Variants in COLGALT2 observed in about 807,000 individuals in gnomAD.
The protein encoded by COLGALT2 is procollagen galactosyltransferase 2.
Under a neutral mutation model 73.4 loss-of-function variants are expected in COLGALT2, and 49 were observed. The ratio of observed to expected loss-of-function variants is 0.67; its 90% confidence interval spans 0.53 to 0.85. The LOEUF (loss-of-function observed/expected upper bound fraction) is 0.85, where lower values mean the gene tolerates loss of function less well. COLGALT2 is among the 40% of genes least tolerant of loss of function. The pLI is 0.00. For synonymous variants in COLGALT2, 295 were observed against 307.6 expected, an observed-to-expected ratio of 0.96 and a Z score of 0.43; for missense variants, 722 against 790.2, an observed-to-expected ratio of 0.91 and a Z score of 1.03.
chr1:183,942,691 G>A (rs1270834856), intron 10 of COLGALT2, among the ~76,000 whole-genome samples: 2 of 152,128 alleles, frequency 1.3e-5, no homozygotes, highest in African/African-American at 2.4e-5. Flanking sequence ...AAAATAACAG[G>A]TACAATTTAA....
chr1:184,011,352 G>A (rs1270571520), intron 1 of COLGALT2, among the ~76,000 whole-genome samples: 1 of 152,212 alleles, frequency 6.6e-6, no homozygotes, highest in Non-Finnish European at 1.5e-5. Flanking sequence ...ATAGTTGTCT[G>A]ACAACTTAAC....
downstream of COLGALT2, among the ~76,000 whole-genome samples, chr1:183,931,443 A>T (rs1669841681): frequency 6.6e-6 from 1 of 152,120 alleles, no homozygotes; most frequent in African/African-American, 2.4e-5. Context: ...CAAAAAGATG[A>T]TTATTGTGAG....
intron 5 of COLGALT2, among the ~76,000 whole-genome samples, chr1:183,968,223 G>A (rs1670933981): frequency 6.6e-6 from 1 of 152,134 alleles, no homozygotes; most frequent in South Asian, 2.1e-4. Context: ...CACATTTCTG[G>A]CACATTAATA....
rs1479489005 is a variant in COLGALT2, at chr1:184,037,362, C to A, written c.-5G>T. The A allele has an allele frequency of 2.1e-6, 3 of 1,411,582 alleles. No individual in the cohort carries two copies. The highest frequency in any genetic ancestry group is 1.8e-6 in the Non-Finnish European group (2 of 1,081,240). The allele number at this position is 1,411,582 out of a possible 1,614,324, so 87.4% of individuals were successfully genotyped here. ...GGCAGCAGGGCGCGCAGCCATGTTC[C>A]GGGCCGAGGCGGGCGGCGGGGAAGT... is the stretch of plus-strand genomic sequence containing the variant. On this transcript the variant is annotated 5_prime_UTR_variant, in exon 1 of 12. Coordinates refer to ENST00000361927, the MANE Select transcript of COLGALT2 (RefSeq NM_015101.4).
At chr1:183,961,479 AAGGGAC>A (rs1670699371) in intron 6 of COLGALT2, among the ~76,000 whole-genome samples, 1 of 152,180 alleles carries the variant, frequency 6.6e-6, no homozygotes, top group Admixed American at 6.5e-5. Context: ...CAGGGATAAT[AAGGGAC>A]AGCACTTTAT....
chr1:183,939,920 C>T (rs1047062030), intron 11 of COLGALT2, among the ~76,000 whole-genome samples: 1 of 152,108 alleles, frequency 6.6e-6, no homozygotes, highest in Non-Finnish European at 1.5e-5. Context: ...CTGTTACTGC[C>T]CCAAAGGGTT....
At chr1:183,943,796 T>A (rs1279434527) in intron 10 of COLGALT2, among the ~76,000 whole-genome samples, 2 of 152,076 alleles carry the variant, frequency 1.3e-5, no homozygotes, top group African/African-American at 2.4e-5. Flanking sequence ...GGGAGCTGAG[T>A]CTTAAATATG....
At chr1:184,015,601 C>T (rs1436748861) in intron 1 of COLGALT2, among the ~76,000 whole-genome samples, 1 of 152,360 alleles carries the variant, frequency 6.6e-6, no homozygotes, top group East Asian at 1.9e-4. Context: ...GTTGTGCTCA[C>T]TCTCCCTGTG....
chr1:183,961,040 C>G (rs552228566), intron 6 of COLGALT2, among the ~76,000 whole-genome samples: 47 of 152,292 alleles, frequency 3.1e-4, no homozygotes, highest in Non-Finnish European at 5.4e-4. Flanking sequence ...AACTTTTTAT[C>G]AATCTTACAC....
At chr1:183,932,479 C>T (rs924728368), downstream of COLGALT2, among the ~76,000 whole-genome samples, 2 of 151,678 alleles carry the variant, frequency 1.3e-5, no homozygotes, top group African/African-American at 4.9e-5. Context: ...CCAACCTCCT[C>T]CCGGGAGGAG....
chr1:184,002,890 C>T (rs972590158), intron 1 of COLGALT2, among the ~76,000 whole-genome samples: 2 of 151,716 alleles, frequency 1.3e-5, no homozygotes, highest in African/African-American at 2.4e-5. Flanking sequence ...TATAAATATA[C>T]TGGAATAGCA....
At chr1:183,944,085 A>C in intron 10 of COLGALT2, 111 bp downstream of exon 10, 1 of 1,236,840 alleles carries the variant, frequency 8.1e-7, no homozygotes, top group South Asian at 1.8e-5. Flanking sequence ...AAACTAGATA[A>C]GTGGAAGCTT....
rs564031985 is a variant in COLGALT2, at chr1:183,976,288, C to T, written c.375-1074G>A. 2.6e-5 allele frequency among the ~76,000 whole-genome samples: 4 copies of T among 151,616 alleles called. No individual in the cohort carries two copies. The South Asian group carries it at 6.2e-4, about 24-fold the overall frequency. On this transcript the variant is annotated intron_variant, in intron 2 of 11. Coordinates refer to ENST00000361927, the MANE Select transcript of COLGALT2 (RefSeq NM_015101.4). ...ACAATCTTTTACGGTGTTCAGACTTCACTGTTAAATTTTGCTTGATATACA... is the reference window on the plus strand; with the variant it reads ...ACAATCTTTTACGGTGTTCAGACTTTACTGTTAAATTTTGCTTGATATACA...
chr1:183,975,334 T>G, intron 2 of COLGALT2, 120 bp from the exon 3 acceptor site: 1 of 612,780 alleles, frequency 1.6e-6, no homozygotes, highest in Non-Finnish European at 2.8e-6. Context: ...ACTATTATTA[T>G]TGTTATCATC....
intron 1 of COLGALT2, among the ~76,000 whole-genome samples, chr1:183,983,289 T>G (rs1671401143): frequency 6.6e-6 from 1 of 152,118 alleles, no homozygotes; most frequent in African/African-American, 2.4e-5. Context: ...GGAAGAGCAG[T>G]GAGGGCCACA....
intron 1 of COLGALT2, among the ~76,000 whole-genome samples, chr1:183,995,127 A>G (rs977710187): frequency 1.3e-5 from 2 of 152,242 alleles, no homozygotes; most frequent in Non-Finnish European, 2.9e-5. Context: ...AATAACATGA[A>G]TACATATCAA....
chr1:183,937,630 C>T lies in COLGALT2; in HGVS notation c.*1131G>A. Reference sequence around the variant, plus strand: ...CACAGGCCTCCCCACAAGAGCCTGGCTGGGAAATTCAGGAGAATCAGATTG... The same window carrying T: ...CACAGGCCTCCCCACAAGAGCCTGGTTGGGAAATTCAGGAGAATCAGATTG... On this transcript the variant is annotated 3_prime_UTR_variant, in exon 12 of 12. Coordinates refer to ENST00000361927, the MANE Select transcript of COLGALT2 (RefSeq NM_015101.4). 1 of 985,420 alleles carries T rather than the reference C, an allele frequency of 1.0e-6. No homozygotes were observed. Among genetic ancestry groups the T allele is most frequent in the Non-Finnish European group, 1.2e-6 (1 of 829,952 alleles). 61.0% of individuals were successfully genotyped at this position (985,420 alleles called of 1,614,324 possible).
In COLGALT2 at chr1:183,938,461, G is replaced by A; in HGVS notation, c.*300C>T. On this transcript the variant is annotated 3_prime_UTR_variant, in exon 12 of 12. Transcript: ENST00000361927. Reference sequence around the variant, plus strand: ...CTGAGCCATGTTGTTCAACCTTAATGTGGGAATCAGTATCACATGAGTAGT... The same window carrying A: ...CTGAGCCATGTTGTTCAACCTTAATATGGGAATCAGTATCACATGAGTAGT... The A allele has an allele frequency of 8.3e-7, 1 of 1,206,724 alleles. No individual in the cohort carries two copies. 74.8% of individuals were successfully genotyped at this position (1,206,724 alleles called of 1,614,324 possible). A position where few individuals can be genotyped will look rare whatever the true frequency, so the allele number is the denominator to read the frequency against.
intron 1 of COLGALT2, among the ~76,000 whole-genome samples, chr1:183,981,620 G>A (rs1167209656): frequency 6.6e-6 from 1 of 152,170 alleles, no homozygotes; most frequent in African/African-American, 2.4e-5. Context: ...TCGGGCCACT[G>A]CACTGCAGCC....
Sources: gnomAD v4.1 joint callset for allele counts (sites outside exome capture counted in the v4.1 genomes callset) on GRCh38, gnomAD v4.1.1 for gene constraint, MANE v1.5 for transcripts, NCBI Gene and HGNC (gene_info 2026-07-23, HGNC 2026-07-21) for gene names.